Variants in ATP9A observed in about 807,000 individuals in gnomAD.
ATP9A encodes probable phospholipid-transporting ATPase IIA.
ATP9A carries 52 observed loss-of-function variants against 144.1 expected under a neutral mutation model. The ratio of observed to expected loss-of-function variants is 0.36; its 90% confidence interval spans 0.29 to 0.45. ATP9A has a LOEUF of 0.45. Ranked by LOEUF, ATP9A falls within the 20% of genes least tolerant of loss-of-function variation. The pLI, the probability that ATP9A is intolerant of heterozygous loss-of-function variation, is 1.00. For missense variants in ATP9A, 947 were observed against 1,392.7 expected, an observed-to-expected ratio of 0.68 and a Z score of 5.09; for synonymous variants, 582 against 557.4, an observed-to-expected ratio of 1.04 and a Z score of -0.62.
chr20:51,666,692 A>G lies in ATP9A; in HGVS notation c.1293+3305T>C, dbSNP rs537174542. Among the ~76,000 whole-genome samples the G allele has an allele frequency of 3.4e-4, 52 of 151,628 alleles. 1 individual carries two copies. The East Asian group carries it at 3.5e-3, about 10-fold the overall frequency. ...GAGACTGTGTCTTAAAAAAAAAAAAAAAAGAAAGAAAGAAAAAGAAGAAAG... is the reference window on the plus strand; with the variant it reads ...GAGACTGTGTCTTAAAAAAAAAAAAGAAAGAAAGAAAGAAAAAGAAGAAAG... On this transcript the variant is annotated intron_variant, in intron 13 of 27. Transcript: ENST00000338821.
At chr20:51,639,166 C>A (rs1410329866) in intron 15 of ATP9A, among the ~76,000 whole-genome samples, 177 bp downstream of exon 15, 2 of 152,132 alleles carry the variant, frequency 1.3e-5, no homozygotes, top group South Asian at 4.1e-4. Context: ...ATCAGAGTTA[C>A]GGGGTGTGTC....
At chr20:51,727,020 G>C (rs748530653) in intron 2 of ATP9A, among the ~76,000 whole-genome samples, 5 of 150,196 alleles carry the variant, frequency 3.3e-5, no homozygotes, top group Admixed American at 6.8e-5. Flanking sequence ...CCAGCCAGGC[G>C]CAGAGGCTCA....
chr20:51,606,189 G>A (rs1474941067), intron 26 of ATP9A, among the ~76,000 whole-genome samples: 4 of 151,936 alleles, frequency 2.6e-5, no homozygotes, highest in South Asian at 2.1e-4. Context: ...ACCATAAGGC[G>A]GAGGTTGCAG....
chr20:51,697,860 C>G (rs948650337), intron 4 of ATP9A, among the ~76,000 whole-genome samples: 1 of 152,096 alleles, frequency 6.6e-6, no homozygotes, highest in Admixed American at 6.6e-5. Flanking sequence ...TTCAACACCA[C>G]CAAAAAGAAA....
intron 17 of ATP9A, among the ~76,000 whole-genome samples, chr20:51,626,011 G>A (rs1358267159): frequency 1.3e-5 from 2 of 152,202 alleles, no homozygotes; most frequent in Non-Finnish European, 2.9e-5. Flanking sequence ...AGCAGGGCAG[G>A]GCCCCACGAA....
intron 2 of ATP9A, among the ~76,000 whole-genome samples, chr20:51,729,300 A>G (rs1399948512): frequency 6.6e-6 from 1 of 152,152 alleles, no homozygotes; most frequent in African/African-American, 2.4e-5. Flanking sequence ...AGGTGGGGTC[A>G]CAGCCTTGCA....
chr20:51,601,014 G>T lies in ATP9A; in HGVS notation c.*197C>A. 1 of 530,036 alleles carries T rather than the reference G, an allele frequency of 1.9e-6. No individual in the cohort carries two copies. Among genetic ancestry groups the T allele is most frequent in the Non-Finnish European group, 3.1e-6 (1 of 323,696 alleles). The allele number at this position is 530,036 out of a possible 1,614,324, so 32.8% of individuals were successfully genotyped here. A position where few individuals can be genotyped will look rare whatever the true frequency, so the allele number is the denominator to read the frequency against. On this transcript the variant is annotated 3_prime_UTR_variant, in exon 28 of 28. Transcript: ENST00000338821. Reference sequence around the variant, plus strand: ...AGAACGAGGGGTTCAGACAGGCCCAGATGGGTCTCTTTCAGGACCCTCCCT... The same window carrying T: ...AGAACGAGGGGTTCAGACAGGCCCATATGGGTCTCTTTCAGGACCCTCCCT...
chr20:51,658,497 C>T (rs981624871), intron 13 of ATP9A, among the ~76,000 whole-genome samples: 2 of 146,628 alleles, frequency 1.4e-5, no homozygotes, highest in African/African-American at 5.0e-5. Flanking sequence ...TGTCACACAT[C>T]GGGTGCCACC....
intron 1 of ATP9A, among the ~76,000 whole-genome samples, chr20:51,749,253 CG>C (rs2077821448): frequency 1.3e-5 from 2 of 152,052 alleles, no homozygotes; most frequent in Non-Finnish European, 2.9e-5. Flanking sequence ...TATACTGACA[CG>C]GAACGAGCTC....
intron 1 of ATP9A, among the ~76,000 whole-genome samples, chr20:51,766,521 C>T (rs1363115574): frequency 6.6e-6 from 1 of 152,100 alleles, no homozygotes; most frequent in Admixed American, 6.6e-5. Flanking sequence ...CTGTTCCAGG[C>T]ATAGTGTTCA....
chr20:51,633,411 A>G (rs2077277752), intron 15 of ATP9A, among the ~76,000 whole-genome samples: 1 of 152,204 alleles, frequency 6.6e-6, no homozygotes, highest in African/African-American at 2.4e-5. Flanking sequence ...GACTGAAAGG[A>G]AATCCCTTGA....
chr20:51,661,841 TGAC>T (rs769208332), intron 13 of ATP9A, among the ~76,000 whole-genome samples: 50 of 152,274 alleles, frequency 3.3e-4, no homozygotes, highest in Middle Eastern at 6.8e-3. Flanking sequence ...GCTGATTAAG[TGAC>T]TAAGTAAATC....
intron 13 of ATP9A, among the ~76,000 whole-genome samples, chr20:51,666,020 CA>C (rs796282632): frequency 8.5e-5 from 13 of 152,302 alleles, no homozygotes; most frequent in African/African-American, 3.1e-4. Context: ...GCCCCTTCCG[CA>C]GGACACCTCA....
intron 1 of ATP9A, among the ~76,000 whole-genome samples, chr20:51,731,469 G>T (rs981006514): frequency 2.0e-5 from 3 of 152,014 alleles, no homozygotes; most frequent in African/African-American, 4.8e-5. Context: ...TGTAATCCCA[G>T]CACTTTGGGA....
At chr20:51,736,114 G>A (rs1317998775) in intron 1 of ATP9A, among the ~76,000 whole-genome samples, 3 of 152,248 alleles carry the variant, frequency 2.0e-5, no homozygotes, top group African/African-American at 7.2e-5. Flanking sequence ...ACAAGGAAGT[G>A]CAATCCAGGC....
chr20:51,750,470 A>G (rs1404887771), intron 1 of ATP9A, among the ~76,000 whole-genome samples: 1 of 152,210 alleles, frequency 6.6e-6, no homozygotes, highest in African/African-American at 2.4e-5. Flanking sequence ...AACCCCACAC[A>G]GCACGAGCCC....
chr20:51,696,101 T>C lies in ATP9A; in HGVS notation c.539A>G (p.Glu180Gly), dbSNP rs1428347220. ...TGATCTCAGATGTTTACCGTTTTTT[T>C]CTGATGTCCTCAGGAAGATCATGTC... ...PADMIFLRTS[E>G]KNGSCFLRTD... is the part of the protein sequence containing the mutation. The change falls in exon 6 of 28, where the codon GAA (glutamate) becomes GGA (glycine). Residue 180 changes from glutamate to glycine, a missense_variant. Physicochemically the swap from Glu to Gly is moderately conservative, Grantham distance 98. Transcript: ENST00000338821. The C allele has an allele frequency of 5.0e-6, 8 of 1,613,754 alleles. No individual in the cohort carries two copies. Among genetic ancestry groups the C allele is most frequent in the Non-Finnish European group, 6.8e-6 (8 of 1,179,634 alleles).
Position 51,611,312 on chromosome 20 carries a change from C to T in ATP9A, c.2572-1147G>A, listed in dbSNP as rs771908692. 2.6e-5 allele frequency among the ~76,000 whole-genome samples: 4 copies of T among 152,214 alleles called. No homozygotes were observed. Among genetic ancestry groups the T allele is most frequent in the Admixed American group, 6.5e-5 (1 of 15,284 alleles). ...AAGCCCCAGTTCGCCCTGGCTGCGCCGGAAAAGCCACTTTTCCAGTGACTT... is the reference window on the plus strand; with the variant it reads ...AAGCCCCAGTTCGCCCTGGCTGCGCTGGAAAAGCCACTTTTCCAGTGACTT... On this transcript the variant is annotated intron_variant, in intron 23 of 27. Transcript: ENST00000338821. This position sits in a 1 kb window ranked among gnomAD's most constrained non-coding sequence, Gnocchi z 4.2.
At chr20:51,712,936 A>G in intron 4 of ATP9A, 30 bp downstream of exon 4, 1 of 1,572,520 alleles carries the variant, frequency 6.4e-7, no homozygotes, top group Middle Eastern at 1.7e-4. Context: ...TTGAGCTGCA[A>G]CCCTGTGGCC....
Sources: gnomAD v4.1 joint callset for allele counts (sites outside exome capture counted in the v4.1 genomes callset) on GRCh38, gnomAD v4.1.1 for gene constraint, Gnocchi (gnomAD v3.1) non-coding constraint, MANE v1.5 for transcripts, NCBI Gene and HGNC (gene_info 2026-07-23, HGNC 2026-07-21) for gene names.